The following GGTA1 variants were observed in gnomAD, a reference collection of about 807,000 sequenced individuals.
The protein encoded by GGTA1 is inactive N-acetyllactosaminide alpha-1,3-galactosyltransferase.
A neutral mutation model predicts 2.6 loss-of-function variants in GGTA1; 5 were observed. The observed-to-expected ratio is 1.92, with a 90% CI of 1.00 to 4.04. The LOEUF (loss-of-function observed/expected upper bound fraction) is 4.04, where lower values mean the gene tolerates loss of function less well. GGTA1 is among the 30% of genes most tolerant of loss of function. The probability of loss-of-function intolerance (pLI) is 0.00; values close to 1 mark genes in which losing one functional copy is unlikely to be tolerated. For synonymous variants in GGTA1, 17 were observed against 5.0 expected (o/e 3.38, Z -3.19); for missense variants, 50 against 16.7 (o/e 2.99, Z -3.47).
chr9:121,486,179 T>C (rs1354280135), intron 1 of GGTA1, among the ~76,000 whole-genome samples: 1 of 152,218 alleles, frequency 6.6e-6, no homozygotes, highest in African/African-American at 2.4e-5. Context: ...CAGAGGCTGA[T>C]GAGTGGCCCA....
At chr9:121,453,436 G>A (rs1161332365), downstream of GGTA1, among the ~76,000 whole-genome samples, 4 of 140,326 alleles carry the variant, frequency 2.9e-5, no homozygotes, top group African/African-American at 7.7e-5. Context: ...GCACAGAGCC[G>A]CAGGGGCCCC....
At chr9:121,485,744 G>A (rs1828743723) in intron 1 of GGTA1, among the ~76,000 whole-genome samples, 1 of 152,108 alleles carries the variant, frequency 6.6e-6, no homozygotes, top group South Asian at 2.1e-4. Context: ...GCAGGGCCTT[G>A]GGCTTTATTT....
chr9:121,470,322 G>A (rs1436479190), intron 1 of GGTA1, among the ~76,000 whole-genome samples: 2 of 152,224 alleles, frequency 1.3e-5, no homozygotes, highest in Non-Finnish European at 2.9e-5. Context: ...CAAGGTTTCT[G>A]TCTAAGCAGT....
downstream of GGTA1, among the ~76,000 whole-genome samples, chr9:121,451,664 A>G (rs1287801751): frequency 6.6e-6 from 1 of 152,206 alleles, no homozygotes; most frequent in African/African-American, 2.4e-5. Flanking sequence ...CCCATGGAAG[A>G]GTGGTCAGCT....
At chr9:121,459,971 T>C (rs2064946160) in intron 5 of GGTA1, 133 bp downstream of exon 5, 1 of 376,336 alleles carries the variant, frequency 2.7e-6, no homozygotes, top group African/African-American at 2.1e-5. Context: ...ATGTCTACTG[T>C]TAAAGGTCTA....
intron 1 of GGTA1, among the ~76,000 whole-genome samples, chr9:121,478,257 C>A (rs552163265): frequency 1.3e-5 from 2 of 152,314 alleles, no homozygotes; most frequent in Admixed American, 6.5e-5. Context: ...AGCTGGTGAG[C>A]ATCAGCTCAA....
intron 1 of GGTA1, among the ~76,000 whole-genome samples, chr9:121,499,010 T>C (rs1829049957): frequency 1.3e-5 from 2 of 151,640 alleles, no homozygotes; most frequent in South Asian, 4.2e-4. Context: ...GTTTGAAGAG[T>C]TGGAGGAAAC....
At chr9:121,499,119 T>G (rs1002876950) in intron 1 of GGTA1, among the ~76,000 whole-genome samples, 3 of 151,988 alleles carry the variant, frequency 2.0e-5, no homozygotes, top group African/African-American at 7.3e-5. Context: ...TCCTCGGCTC[T>G]CCGAAGCTCT....
intron 1 of GGTA1, among the ~76,000 whole-genome samples, chr9:121,492,910 G>T (rs1050540434): frequency 6.6e-6 from 1 of 151,864 alleles, no homozygotes; most frequent in African/African-American, 2.4e-5. Flanking sequence ...TTAGGAGGCC[G>T]AAGCAGGCAG....
At chr9:121,470,995 T>C (rs947613982) in intron 1 of GGTA1, among the ~76,000 whole-genome samples, 1 of 152,198 alleles carries the variant, frequency 6.6e-6, no homozygotes, top group Non-Finnish European at 1.5e-5. Context: ...GGTGAACCCC[T>C]TGGGCGGTTA....
chr9:121,467,202 A>T (rs935259996), intron 2 of GGTA1, among the ~76,000 whole-genome samples: 1 of 152,188 alleles, frequency 6.6e-6, no homozygotes, highest in African/African-American at 2.4e-5. Flanking sequence ...CTCCAGCTGG[A>T]ATGGCCAGGC....
At chr9:121,492,263 T>C (rs931673513) in intron 1 of GGTA1, among the ~76,000 whole-genome samples, 31 of 152,272 alleles carry the variant, frequency 2.0e-4, no homozygotes, top group African/African-American at 6.7e-4. Flanking sequence ...TTTTTTTTCC[T>C]GCTTTTGTTT....
chr9:121,471,549 A>T (rs892956633), intron 1 of GGTA1, among the ~76,000 whole-genome samples: 2 of 152,226 alleles, frequency 1.3e-5, no homozygotes, highest in African/African-American at 4.8e-5. Flanking sequence ...ACCCTTTATT[A>T]TGAAATCCAG....
Position 121,455,445 on chromosome 9 carries a change from C to G in GGTA1, c.*392G>C, listed in dbSNP as rs147886324. The stretch of plus-strand genomic sequence containing the variant: ...TACTTATTTAATACTTATTGTGCAC[C>G]AGAGGCTAAGTGCTTGACTTTTATT... On this transcript the variant is annotated 3_prime_UTR_variant, in exon 6 of 6. Coordinates refer to ENST00000481799, the MANE Select transcript of GGTA1 (RefSeq NM_001382585.1). 9 of 153,536 alleles carry G rather than the reference C, an allele frequency of 5.9e-5. No individual in the cohort carries two copies. Among genetic ancestry groups the G allele is most frequent in the Admixed American group, 5.8e-4 (9 of 15,566 alleles). 9.5% of individuals were successfully genotyped at this position (153,536 alleles called of 1,614,324 possible).
At chr9:121,481,647 T>C (rs1828652346) in intron 1 of GGTA1, among the ~76,000 whole-genome samples, 1 of 125,778 alleles carries the variant, frequency 8.0e-6, no homozygotes, top group Non-Finnish European at 1.6e-5. Context: ...GCGCCACTGC[T>C]CTCCAGCCTG....
chr9:121,496,293 C>T (rs1348653269), intron 1 of GGTA1, among the ~76,000 whole-genome samples: 3 of 152,212 alleles, frequency 2.0e-5, no homozygotes, highest in African/African-American at 7.2e-5. Flanking sequence ...TTCCTGAGGT[C>T]ATTATTCCAA....
At chr9:121,462,699 G>C (rs1486831246) in intron 3 of GGTA1, 1 of 152,098 alleles carries the variant, frequency 6.6e-6, no homozygotes, top group East Asian at 1.9e-4. Context: ...ATTTCCAAGG[G>C]CACATGACAT....
chr9:121,492,673 C>T (rs575608446), intron 1 of GGTA1, among the ~76,000 whole-genome samples: 2 of 151,732 alleles, frequency 1.3e-5, no homozygotes, highest in East Asian at 4.0e-4. Flanking sequence ...GGGATTTCTC[C>T]ATGTTGGTCA....
At chr9:121,480,308 A>G (rs1019294758) in intron 1 of GGTA1, among the ~76,000 whole-genome samples, 6 of 152,218 alleles carry the variant, frequency 3.9e-5, no homozygotes, top group African/African-American at 1.4e-4. Context: ...CGCCCGCCTC[A>G]GCCTCCCAAA....
Sources: gnomAD v4.1 joint callset for allele counts (sites outside exome capture counted in the v4.1 genomes callset) on GRCh38, gnomAD v4.1.1 for gene constraint, MANE v1.5 for transcripts, NCBI Gene and HGNC (gene_info 2026-07-23, HGNC 2026-07-21) for gene names.